Variants in DIPK1A observed in about 807,000 individuals in gnomAD.
DIPK1A encodes the protein divergent protein kinase domain 1A.
DIPK1A carries 27 observed loss-of-function variants against 40.8 expected under a neutral mutation model. That is an observed-to-expected ratio of 0.66 (90% CI 0.49 to 0.91). The LOEUF is 0.91. Among genes scored for constraint, DIPK1A ranks in the 40% least tolerant of loss-of-function variants. The pLI is 0.00. For synonymous variants in DIPK1A, 166 were observed against 171.3 expected, an observed-to-expected ratio of 0.97 and a Z score of 0.24; for missense variants, 412 against 505.7, an observed-to-expected ratio of 0.81 and a Z score of 1.78.
chr1:92,842,730 T>A lies in DIPK1A; in HGVS notation c.*653A>T. 2.0e-6 allele frequency: 2 copies of A among 985,458 alleles called. No homozygotes were observed. The highest frequency in any genetic ancestry group is 2.4e-6 in the Non-Finnish European group (2 of 829,952). 61.0% of individuals were successfully genotyped at this position (985,458 alleles called of 1,614,324 possible). A position where few individuals can be genotyped will look rare whatever the true frequency, so the allele number is the denominator to read the frequency against. The stretch of plus-strand genomic sequence containing the variant: ...TACTAAGATGGGCCCTTTGAATCTT[T>A]AGGAAAGTTCATCCATTTTTAGTCA... On this transcript the variant is annotated 3_prime_UTR_variant, in exon 5 of 5. Coordinates refer to ENST00000370310, the MANE Select transcript of DIPK1A (RefSeq NM_001006605.5).
Position 92,834,311 on chromosome 1 carries a change from C to T in DIPK1A, c.475-1277G>A, listed in dbSNP as rs916334319. Among the ~76,000 whole-genome samples the T allele has an allele frequency of 6.6e-5, 10 of 152,150 alleles. No homozygotes were observed. The South Asian group carries it at 1.4e-3, about 22-fold the overall frequency. On this transcript the variant is annotated intron_variant, in intron 4 of 4. Transcript: ENST00000615519. ...TAATAAAATGTACAAAGGTGGCTCC[C>T]GCATGAAAGACCTTTAGGAAGTGTC...
chr1:92,837,557 A>G (rs11540832), downstream of DIPK1A: 11,813 of 1,612,022 alleles, frequency 7.3e-3, 45 homozygotes, highest in Non-Finnish European at 9.1e-3. Flanking sequence ...TACATGCGCT[A>G]CTTAATGGAA....
intron 1 of DIPK1A, among the ~76,000 whole-genome samples, chr1:92,951,445 A>G (rs1380499346): frequency 1.3e-5 from 2 of 152,208 alleles, no homozygotes; most frequent in African/African-American, 4.8e-5. Flanking sequence ...CCAAAACTCT[A>G]GAAAGAAACT....
chr1:92,847,386 G>A, intron 3 of DIPK1A, 27 bp from the exon 4 acceptor site: 1 of 1,487,556 alleles, frequency 6.7e-7, no homozygotes, highest in South Asian at 1.3e-5. Context: ...GGCAAGTTAT[G>A]TATTATACTG....
intron 2 of DIPK1A, among the ~76,000 whole-genome samples, chr1:92,858,608 A>C (rs1013240700): frequency 4.6e-5 from 7 of 152,144 alleles, no homozygotes; most frequent in African/African-American, 1.7e-4. Flanking sequence ...CAGGTAGCTC[A>C]TTAGTAAACT....
At chr1:92,835,478 C>T (rs967678674) in intron 4 of DIPK1A, among the ~76,000 whole-genome samples, 1 of 151,054 alleles carries the variant, frequency 6.6e-6, no homozygotes, top group Non-Finnish European at 1.5e-5. Flanking sequence ...CATGGTGAAG[C>T]CCTGTCTCTA....
intron 2 of DIPK1A, among the ~76,000 whole-genome samples, chr1:92,857,591 G>A (rs1205181927): frequency 6.6e-6 from 1 of 152,092 alleles, no homozygotes; most frequent in African/African-American, 2.4e-5. Flanking sequence ...CAAAGTGCTT[G>A]GGATTACAGG....
chr1:92,927,363 TG>T (rs1164672712), intron 1 of DIPK1A, among the ~76,000 whole-genome samples: 1,798 of 74,050 alleles, frequency 0.024, 70 homozygotes, highest in African/African-American at 0.073. Context: ...CCAATTTTGT[TG>T]TTTTTTTTTT....
intron 1 of DIPK1A, 26 bp downstream of exon 1, chr1:92,961,350 T>C: frequency 6.7e-7 from 1 of 1,490,650 alleles, no homozygotes. Flanking sequence ...CTCCCGCAGC[T>C]GGTGGCTGGG....
chr1:92,847,364 G>A lies in DIPK1A; in HGVS notation c.298-5C>T, dbSNP rs1382511558. 1 of 1,586,920 alleles carries A rather than the reference G, an allele frequency of 6.3e-7. No individual in the cohort carries two copies. Among genetic ancestry groups the A allele is most frequent in the East Asian group, 2.3e-5 (1 of 44,208 alleles). The stretch of plus-strand genomic sequence containing the variant: ...ATCCCAAATCCCTAAATACATCTAT[G>A]TAAAAAAGAGTGGCAAGTTATGTAT... On this transcript the variant is annotated splice_region_variant and splice_polypyrimidine_tract_variant and intron_variant, in intron 3 of 4. Transcript: ENST00000370310.
intron 1 of DIPK1A, among the ~76,000 whole-genome samples, chr1:92,881,122 G>A (rs1464141785): frequency 2.3e-4 from 29 of 124,180 alleles, no homozygotes; most frequent in African/African-American, 7.8e-4. Flanking sequence ...GTAGTGAGCC[G>A]AGATCATGCC....
At chr1:92,936,711 T>G (rs1032752358) in intron 1 of DIPK1A, among the ~76,000 whole-genome samples, 5 of 151,978 alleles carry the variant, frequency 3.3e-5, no homozygotes, top group African/African-American at 1.2e-4. Context: ...AGACCCTCCA[T>G]AGCAAGTACC....
At chr1:92,872,069 C>CTTTTTTTTTTTTTTTTTTTTTTTT (rs148010880) in intron 2 of DIPK1A, among the ~76,000 whole-genome samples, 1 of 67,958 alleles carries the variant, frequency 1.5e-5, no homozygotes, top group Non-Finnish European at 2.6e-5. Flanking sequence ...TTCTTTAAAT[C>CTTTTTTTTTTTTTTTTTTTTTTTT]TTTTTTTTTT....
intron 2 of DIPK1A, among the ~76,000 whole-genome samples, chr1:92,861,976 C>T (rs1004338058): frequency 1.3e-5 from 2 of 152,088 alleles, no homozygotes; most frequent in African/African-American, 2.4e-5. Context: ...GACGAGGTTT[C>T]GCCATATTGC....
intron 1 of DIPK1A, among the ~76,000 whole-genome samples, chr1:92,947,302 T>A (rs1651414704): frequency 6.6e-6 from 1 of 152,090 alleles, no homozygotes; most frequent in African/African-American, 2.4e-5. Context: ...GGGCAAATGA[T>A]CTGAACAGAC....
At chr1:92,942,459 C>A (rs1489702882) in intron 1 of DIPK1A, among the ~76,000 whole-genome samples, 1 of 152,010 alleles carries the variant, frequency 6.6e-6, no homozygotes, top group Non-Finnish European at 1.5e-5. Context: ...TACTTAAAAC[C>A]CATTGAACTC....
At chr1:92,895,724 G>A (rs1439141761) in intron 1 of DIPK1A, among the ~76,000 whole-genome samples, 4 of 152,106 alleles carry the variant, frequency 2.6e-5, no homozygotes, top group African/African-American at 4.8e-5. Context: ...GTCCCTGTTT[G>A]CAGATGACAT....
chr1:92,919,654 T>C (rs948645773), intron 1 of DIPK1A, among the ~76,000 whole-genome samples: 3 of 152,216 alleles, frequency 2.0e-5, no homozygotes, highest in African/African-American at 7.2e-5. Flanking sequence ...CTCCTTACGT[T>C]TATTTACTCC....
intron 1 of DIPK1A, among the ~76,000 whole-genome samples, chr1:92,908,632 T>G (rs892153615): frequency 6.6e-6 from 1 of 152,146 alleles, no homozygotes; most frequent in Non-Finnish European, 1.5e-5. Context: ...AGTTAGACTA[T>G]GAAGGGGAGG....
Sources: gnomAD v4.1 joint callset for allele counts (sites outside exome capture counted in the v4.1 genomes callset) on GRCh38, gnomAD v4.1.1 for gene constraint, MANE v1.5 for transcripts, NCBI Gene and HGNC (gene_info 2026-07-23, HGNC 2026-07-21) for gene names.